Variants in CA10 observed in about 807,000 individuals in gnomAD.
The protein encoded by CA10 is carbonic anhydrase-related protein 10.
Under a neutral mutation model 44.2 loss-of-function variants are expected in CA10, and 14 were observed. That is an observed-to-expected ratio of 0.32 (90% CI 0.21 to 0.50). The LOEUF (loss-of-function observed/expected upper bound fraction) is 0.50, where lower values mean the gene tolerates loss of function less well. Among genes scored for constraint, CA10 ranks in the 20% least tolerant of loss-of-function variants. The probability of loss-of-function intolerance (pLI) is 0.99; values close to 1 mark genes in which losing one functional copy is unlikely to be tolerated. For synonymous variants in CA10, 159 were observed against 141.6 expected, an observed-to-expected ratio of 1.12 and a Z score of -0.87; for missense variants, 350 against 409.7, an observed-to-expected ratio of 0.85 and a Z score of 1.26.
chr17:51,751,990 A>C (rs1025304495), intron 3 of CA10, among the ~76,000 whole-genome samples: 2 of 152,000 alleles, frequency 1.3e-5, no homozygotes, highest in Non-Finnish European at 2.9e-5. Flanking sequence ...TGGAGCTCAC[A>C]CTCCATTATG....
At chr17:51,853,688 G>A (rs1176043614) in intron 3 of CA10, among the ~76,000 whole-genome samples, 1 of 152,162 alleles carries the variant, frequency 6.6e-6, no homozygotes, top group African/African-American at 2.4e-5. Context: ...ATCTCAAATT[G>A]TAATCTCCAC....
intron 1 of CA10, among the ~76,000 whole-genome samples, chr17:52,154,319 C>T (rs949127128): frequency 6.6e-6 from 1 of 151,918 alleles, no homozygotes; most frequent in African/African-American, 2.4e-5. Flanking sequence ...TAAGATTATC[C>T]CACAAATTCT....
Position 52,061,845 on chromosome 17 carries a change from T to C in CA10, c.136+10474A>G, listed in dbSNP as rs565758243. On this transcript the variant is annotated intron_variant, in intron 2 of 8. Coordinates refer to ENST00000451037, the MANE Select transcript of CA10 (RefSeq NM_020178.5). ...GTCTTGGGTAGTATCCTTATAGCAG[T>C]GTGAAAAAGGACTAGCACATGGAGC... Among the ~76,000 whole-genome samples, 187 of 152,204 alleles carry C rather than the reference T, an allele frequency of 1.2e-3. 5 individuals are homozygous for C. The South Asian group carries it at 0.023, about 19-fold the overall frequency.
chr17:52,130,643 G>A (rs1393012130), intron 1 of CA10, among the ~76,000 whole-genome samples: 4 of 152,172 alleles, frequency 2.6e-5, no homozygotes, highest in Non-Finnish European at 4.4e-5. Context: ...CTAGCGACTA[G>A]ATGGTGCAGG....
At chr17:52,090,761 C>T (rs981232693) in intron 1 of CA10, among the ~76,000 whole-genome samples, 1 of 152,012 alleles carries the variant, frequency 6.6e-6, no homozygotes, top group Non-Finnish European at 1.5e-5. Context: ...ACAGAACATT[C>T]AGAGAAATTA....
In CA10 at chr17:52,102,102, C is replaced by T. The variant is rs1203345905; in HGVS notation, c.62-29709G>A. Among the ~76,000 whole-genome samples, 5 of 152,182 alleles carry T rather than the reference C, an allele frequency of 3.3e-5. No individual in the cohort carries two copies. The East Asian group carries it at 9.6e-4, about 29-fold the overall frequency. ...CACCAGCAGCTCTGCTTTCCTGAAT[C>T]CTGTCCCCTCCACTTGTGGAATTTC... On this transcript the variant is annotated intron_variant, in intron 1 of 8. Transcript: ENST00000451037.
chr17:51,674,716 G>GA (rs1427334733), intron 4 of CA10, among the ~76,000 whole-genome samples: 2 of 152,098 alleles, frequency 1.3e-5, no homozygotes, highest in Non-Finnish European at 2.9e-5. Context: ...AATCTGGGGG[G>GA]ACCACCTCTA....
intron 2 of CA10, among the ~76,000 whole-genome samples, chr17:51,963,434 T>G (rs553205002): frequency 6.6e-6 from 1 of 152,066 alleles, no homozygotes; most frequent in African/African-American, 2.4e-5. Context: ...CAGTATCCCA[T>G]GCAAAATGAA....
At chr17:52,096,529 G>A (rs1041799124) in intron 1 of CA10, among the ~76,000 whole-genome samples, 16 of 152,076 alleles carry the variant, frequency 1.1e-4, no homozygotes, top group Middle Eastern at 3.2e-3. Flanking sequence ...TCCTATCAAC[G>A]GCTATGACAA....
In CA10 at chr17:52,134,898, C is replaced by A. The variant is rs753551870; in HGVS notation, c.61+22828G>T. The A allele has an allele frequency of 5.8e-6, 3 of 519,020 alleles. No homozygotes were observed. In the Admixed American group the frequency reaches 5.8e-5, roughly 10 times the overall value. 32.2% of individuals were successfully genotyped at this position (519,020 alleles called of 1,614,324 possible). On this transcript the variant is annotated intron_variant, in intron 1 of 8. Coordinates refer to ENST00000451037, the MANE Select transcript of CA10 (RefSeq NM_020178.5). ...ACTCACCATTCTCCCTCACCCCCAC[C>A]ATACACAGTTCATCAGGCTCTGTGA...
At chr17:51,959,797 G>GAAAAAAAAAAAAAAAAAAAGAAAA (rs3062037) in intron 2 of CA10, among the ~76,000 whole-genome samples, 8 of 112,348 alleles carry the variant, frequency 7.1e-5, no homozygotes, top group Non-Finnish European at 1.2e-4. Flanking sequence ...CTGCTAAGAT[G>GAAAAAAAAAAAAAAAAAAAGAAAA]AAAAAAAAAA....
At chr17:51,920,634 C>G (rs1309572997) in intron 3 of CA10, among the ~76,000 whole-genome samples, 1 of 152,094 alleles carries the variant, frequency 6.6e-6, no homozygotes, top group Non-Finnish European at 1.5e-5. Flanking sequence ...TGGATGATGT[C>G]AAGAGGTAAA....
chr17:51,642,716 C>T (rs1188507834), intron 6 of CA10, among the ~76,000 whole-genome samples: 5 of 152,028 alleles, frequency 3.3e-5, no homozygotes, highest in Non-Finnish European at 5.9e-5. Context: ...GATCTTGGCT[C>T]ACTGTAACCT....
chr17:51,720,835 C>T (rs1399443298), intron 4 of CA10, among the ~76,000 whole-genome samples: 2 of 149,134 alleles, frequency 1.3e-5, no homozygotes, highest in African/African-American at 2.5e-5. Context: ...TTATGCTCTG[C>T]TCTATGGTGA....
At chr17:51,743,525 T>C (rs926552109) in intron 4 of CA10, among the ~76,000 whole-genome samples, 1 of 152,240 alleles carries the variant, frequency 6.6e-6, no homozygotes, top group South Asian at 2.1e-4. Flanking sequence ...GTAATTTTTA[T>C]AAAAATGCAG....
At position 51,802,021 on chromosome 17, in the gene CA10, C is replaced by T. The variant is rs184488965; in HGVS notation, c.280-54203G>A. Among the ~76,000 whole-genome samples the T allele has an allele frequency of 2.8e-3, 432 of 152,278 alleles. 1 individual carries two copies. The highest frequency in any genetic ancestry group is 4.2e-3 in the Non-Finnish European group (289 of 68,026). On this transcript the variant is annotated intron_variant, in intron 3 of 8. Coordinates refer to ENST00000451037, the MANE Select transcript of CA10 (RefSeq NM_020178.5). ...ACAGTTGGGTATCATGACTGAGAGA[C>T]GGCAAATAGCATTATTCTTCATCTG... is the stretch of plus-strand genomic sequence containing the variant.
chr17:51,752,091 T>C (rs1222242562), intron 3 of CA10, among the ~76,000 whole-genome samples: 10 of 152,026 alleles, frequency 6.6e-5, no homozygotes, highest in Admixed American at 1.3e-4. Context: ...AACACCCCCT[T>C]TTCCCCACTC....
At chr17:52,147,440 C>T (rs1989612714) in intron 1 of CA10, among the ~76,000 whole-genome samples, 1 of 151,540 alleles carries the variant, frequency 6.6e-6, no homozygotes. Flanking sequence ...ACATTATATG[C>T]CTTTACCTGG....
intron 1 of CA10, among the ~76,000 whole-genome samples, chr17:52,098,970 G>T (rs1177439687): frequency 6.6e-6 from 1 of 152,124 alleles, no homozygotes; most frequent in African/African-American, 2.4e-5. Flanking sequence ...ATATTCTGCT[G>T]GGGTCAGATG....
Sources: allele counts gnomAD v4.1 joint callset (sites outside exome capture counted in the v4.1 genomes callset), GRCh38; gene constraint gnomAD v4.1.1; transcripts MANE v1.5; gene names NCBI Gene and HGNC (gene_info 2026-07-23, HGNC 2026-07-21).